Variants in IGSF21 observed in about 807,000 individuals in gnomAD.
IGSF21 encodes immunoglobulin superfamily member 21.
In IGSF21, 28 loss-of-function variants were observed where a neutral mutation model predicts 46.8. The ratio of observed to expected loss-of-function variants is 0.60; its 90% CI spans 0.44 to 0.82. IGSF21 has a LOEUF of 0.82. IGSF21 is among the 40% of genes least tolerant of loss of function. IGSF21 has a pLI of 0.00. For missense variants in IGSF21, 624 were observed against 665.5 expected (o/e 0.94, Z 0.69); for synonymous variants, 284 against 273.6 (o/e 1.04, Z -0.38).
At position 18,335,362 on chromosome 1, in the gene IGSF21, C is replaced by G. The variant is rs553107162; in HGVS notation, c.424+352C>G. Among the ~76,000 whole-genome samples, 6 of 152,228 alleles carry G rather than the reference C, an allele frequency of 3.9e-5. No homozygotes were observed. The highest frequency in any genetic ancestry group is 8.8e-5 in the Non-Finnish European group (6 of 68,042). ...TCAGCCAAAAGATTCTCCTGCACCT[C>G]CTGAGGCCTTAATGGAGAGGGCATA... On this transcript the variant is annotated intron_variant, in intron 4 of 9. Coordinates refer to ENST00000251296, the MANE Select transcript of IGSF21 (RefSeq NM_032880.5). This position sits in a 1 kb window ranked among gnomAD's most constrained non-coding sequence, Gnocchi z 4.8.
At position 18,285,170 on chromosome 1, in the gene IGSF21, G is replaced by A. The variant is rs560395111; in HGVS notation, c.184-6696G>A. 3.4e-5 allele frequency among the ~76,000 whole-genome samples: 5 copies of A among 147,030 alleles called. No homozygotes were observed. The East Asian group carries it at 1.0e-3, about 31-fold the overall frequency. On this transcript the variant is annotated intron_variant, in intron 2 of 9. Coordinates refer to ENST00000251296, the MANE Select transcript of IGSF21 (RefSeq NM_032880.5). ...GAAGGAGGTTGGGAAGGTGGGGGGA[G>A]GTGATATTTTCCCCTTTTCTTTTTT...
At chr1:18,192,227 A>C (rs547839112) in intron 1 of IGSF21, among the ~76,000 whole-genome samples, 1 of 152,288 alleles carries the variant, frequency 6.6e-6, no homozygotes, top group African/African-American at 2.4e-5. Flanking sequence ...GTAGTACCAT[A>C]AGGATGCAAC....
chr1:18,119,328 A>G (rs983756698), intron 1 of IGSF21, among the ~76,000 whole-genome samples: 1 of 152,210 alleles, frequency 6.6e-6, no homozygotes, highest in African/African-American at 2.4e-5. Context: ...GCCATGTGTG[A>G]CTACTGACAT....
chr1:18,225,091 A>ACACG (rs2084551935), intron 1 of IGSF21, among the ~76,000 whole-genome samples: 2 of 34,036 alleles, frequency 5.9e-5, no homozygotes, highest in Non-Finnish European at 1.5e-4. Flanking sequence ...TCTCTCACAC[A>ACACG]CACACACACA....
At chr1:18,217,125 T>C (rs2084457367) in intron 1 of IGSF21, among the ~76,000 whole-genome samples, 1 of 152,152 alleles carries the variant, frequency 6.6e-6, no homozygotes, top group Admixed American at 6.5e-5. Flanking sequence ...GCCAACCACC[T>C]GACCACCCGT....
intron 6 of IGSF21, among the ~76,000 whole-genome samples, chr1:18,375,443 G>A (rs1182216340): frequency 6.6e-6 from 1 of 152,124 alleles, no homozygotes; most frequent in Non-Finnish European, 1.5e-5. Flanking sequence ...GAAATGAAGG[G>A]AACAGACCCA....
At chr1:18,304,562 T>G (rs1334671486) in intron 3 of IGSF21, among the ~76,000 whole-genome samples, 2 of 152,182 alleles carry the variant, frequency 1.3e-5, no homozygotes, top group Non-Finnish European at 2.9e-5. Context: ...TTCTGACTCC[T>G]AAAGGAGAAC....
intron 2 of IGSF21, 58 bp from the exon 3 acceptor site, chr1:18,291,808 A>C: frequency 6.3e-7 from 1 of 1,595,704 alleles, no homozygotes; most frequent in Non-Finnish European, 8.5e-7. Flanking sequence ...TCCTGGGGAA[A>C]GGGGTGACCA....
intron 4 of IGSF21, among the ~76,000 whole-genome samples, chr1:18,345,738 C>G (rs920300760): frequency 6.6e-6 from 1 of 152,020 alleles, no homozygotes; most frequent in African/African-American, 2.4e-5. Flanking sequence ...CTGCTTAACA[C>G]CTGCTATATC....
intron 2 of IGSF21, among the ~76,000 whole-genome samples, chr1:18,252,214 C>A (rs1359074832): frequency 6.6e-6 from 1 of 151,944 alleles, no homozygotes; most frequent in Non-Finnish European, 1.5e-5. Flanking sequence ...CCATGCCCGG[C>A]TAATTTTTTG....
chr1:18,343,987 GTACAGA>G (rs979522267), intron 4 of IGSF21, among the ~76,000 whole-genome samples: 1 of 152,128 alleles, frequency 6.6e-6, no homozygotes, highest in African/African-American at 2.4e-5. Context: ...GGAAAAGAGG[GTACAGA>G]AGGTCCTGGG....
intron 1 of IGSF21, among the ~76,000 whole-genome samples, chr1:18,182,909 G>A (rs971188507): frequency 1.3e-5 from 2 of 152,182 alleles, no homozygotes; most frequent in East Asian, 1.9e-4. Context: ...CTCATCTCTC[G>A]TTCCCCTGAT....
intron 4 of IGSF21, among the ~76,000 whole-genome samples, chr1:18,354,878 G>A (rs1018209016): frequency 1.4e-5 from 1 of 72,124 alleles, no homozygotes; most frequent in African/African-American, 7.2e-5. Context: ...TATCCTTACA[G>A]AAGGTTTATG....
intron 2 of IGSF21, among the ~76,000 whole-genome samples, chr1:18,232,187 C>T (rs570383441): frequency 6.8e-4 from 88 of 129,830 alleles, no homozygotes; most frequent in Non-Finnish European, 1.2e-3. Flanking sequence ...CTTCACAGCT[C>T]ATATAGATAA....
intron 2 of IGSF21, among the ~76,000 whole-genome samples, chr1:18,244,514 C>T (rs966064905): frequency 2.0e-5 from 3 of 152,192 alleles, no homozygotes; most frequent in East Asian, 1.9e-4. Flanking sequence ...GACTCAATGC[C>T]GGAACAATGG....
chr1:18,343,603 T>G (rs1272382388), intron 4 of IGSF21, among the ~76,000 whole-genome samples: 3 of 152,202 alleles, frequency 2.0e-5, no homozygotes, highest in African/African-American at 7.2e-5. Context: ...GATGATGCAT[T>G]TCAAGTTTAT....
intron 3 of IGSF21, among the ~76,000 whole-genome samples, chr1:18,303,820 T>C (rs2085385287): frequency 6.6e-6 from 1 of 152,122 alleles, no homozygotes; most frequent in Non-Finnish European, 1.5e-5. Flanking sequence ...AGAGGTTGGA[T>C]ATGGTCAGCA....
At chr1:18,294,566 T>C (rs1205018678) in intron 3 of IGSF21, among the ~76,000 whole-genome samples, 1 of 152,220 alleles carries the variant, frequency 6.6e-6, no homozygotes, top group Admixed American at 6.5e-5. Context: ...TGCTTTTCAG[T>C]TGTGGAAGCC....
intron 2 of IGSF21, among the ~76,000 whole-genome samples, chr1:18,257,667 G>T (rs994944261): frequency 6.6e-6 from 1 of 152,154 alleles, no homozygotes; most frequent in Non-Finnish European, 1.5e-5. Flanking sequence ...CCACAGAAAG[G>T]CTTGGGTACA....
Sources: gnomAD v4.1 joint callset for allele counts (sites outside exome capture counted in the v4.1 genomes callset) on GRCh38, gnomAD v4.1.1 for gene constraint, Gnocchi (gnomAD v3.1) non-coding constraint, MANE v1.5 for transcripts, NCBI Gene and HGNC (gene_info 2026-07-23, HGNC 2026-07-21) for gene names.